Variants in PRDM16 observed in about 807,000 individuals in gnomAD.
PRDM16 encodes the protein PR/SET domain 16, also known as histone-lysine N-methyltransferase PRDM16.
Under a neutral mutation model 110.6 loss-of-function variants are expected in PRDM16, and 23 were observed. The observed-to-expected ratio is 0.21, with a 90% CI of 0.15 to 0.29. The LOEUF (loss-of-function observed/expected upper bound fraction) is 0.29. Among genes scored for constraint, PRDM16 ranks in the 10% least tolerant of loss-of-function variants. The probability of loss-of-function intolerance (pLI) is 1.00; values close to 1 mark genes in which losing one functional copy is unlikely to be tolerated. For synonymous variants in PRDM16, 799 were observed against 781.8 expected, an observed-to-expected ratio of 1.02 and a Z score of -0.37; for missense variants, 1,615 against 1,794.3, an observed-to-expected ratio of 0.90 and a Z score of 1.81.
At chr1:3,125,793 C>T (rs1156809849) in intron 1 of PRDM16, among the ~76,000 whole-genome samples, 1 of 152,186 alleles carries the variant, frequency 6.6e-6, no homozygotes, top group Non-Finnish European at 1.5e-5. Context: ...GAGCGGAGCG[C>T]GGCACAGGCG....
chr1:3,218,910 C>T (rs1639090618), intron 2 of PRDM16, among the ~76,000 whole-genome samples: 1 of 152,250 alleles, frequency 6.6e-6, no homozygotes, highest in Non-Finnish European at 1.5e-5. Context: ...AAAGAGCTTT[C>T]TCACAGCTCA....
chr1:3,298,188 C>A (rs575303083), intron 3 of PRDM16, among the ~76,000 whole-genome samples: 2 of 152,356 alleles, frequency 1.3e-5, no homozygotes, highest in African/African-American at 4.8e-5. Context: ...TCAGTAGATT[C>A]CCGTCAGGCA....
intron 1 of PRDM16, among the ~76,000 whole-genome samples, chr1:3,118,651 T>C (rs1336723601): frequency 6.6e-6 from 1 of 152,196 alleles, no homozygotes; most frequent in Non-Finnish European, 1.5e-5. Context: ...AGGTGCTCTG[T>C]GGCATATGAC....
At chr1:3,392,518 T>G (rs752304582) in intron 4 of PRDM16, among the ~76,000 whole-genome samples, 5 of 152,220 alleles carry the variant, frequency 3.3e-5, no homozygotes, top group African/African-American at 4.8e-5. Context: ...GCATGGAGTT[T>G]TTCGTCTATT....
At chr1:3,188,427 G>A (rs921434525) in intron 2 of PRDM16, among the ~76,000 whole-genome samples, 4 of 152,180 alleles carry the variant, frequency 2.6e-5, no homozygotes, top group Non-Finnish European at 4.4e-5. Flanking sequence ...CAGGCCCAGC[G>A]CAGACTGCGC....
chr1:3,400,111 T>C (rs10909939), intron 5 of PRDM16, among the ~76,000 whole-genome samples: 45,662 of 152,118 alleles, frequency 0.3, 7,334 homozygotes, highest in Non-Finnish European at 0.35. Context: ...CAGTGGGAAA[T>C]TGGGGCCCTG....
chr1:3,198,933 G>C (rs928905597), intron 2 of PRDM16, among the ~76,000 whole-genome samples: 1 of 152,144 alleles, frequency 6.6e-6, no homozygotes, highest in Non-Finnish European at 1.5e-5. Context: ...GTAATTTCAC[G>C]AGCAGAGCTA....
At chr1:3,298,022 C>T (rs992260815) in intron 3 of PRDM16, among the ~76,000 whole-genome samples, 7 of 141,336 alleles carry the variant, frequency 5.0e-5, no homozygotes, top group Admixed American at 2.0e-4. Flanking sequence ...GGGAACAGCA[C>T]GTCACCCAAG....
In PRDM16 at chr1:3,434,108, C is replaced by T; in HGVS notation, c.*297C>T. Reference sequence around the variant, plus strand: ...CTGCCTCGCAGAATCAGCCAGTGGGCAGGTGGACGCTCTGCTGAGACAGAA... The same window carrying T: ...CTGCCTCGCAGAATCAGCCAGTGGGTAGGTGGACGCTCTGCTGAGACAGAA... On this transcript the variant is annotated 3_prime_UTR_variant, in exon 17 of 17. Transcript: ENST00000270722. 1 of 379,382 alleles carries T rather than the reference C, an allele frequency of 2.6e-6. No homozygotes were observed. The highest frequency in any genetic ancestry group is 4.8e-6 in the Non-Finnish European group (1 of 209,274). The allele number at this position is 379,382 out of a possible 1,614,324, so 23.5% of individuals were successfully genotyped here.
intron 1 of PRDM16, among the ~76,000 whole-genome samples, chr1:3,116,573 C>T (rs149338468): frequency 1.8e-4 from 27 of 152,320 alleles, no homozygotes; most frequent in African/African-American, 5.8e-4. Flanking sequence ...GTCTGCTCAG[C>T]CCTTCCTCTC....
rs1638895478 is a variant in PRDM16 at position 3,435,894 on chromosome 1, A to G, written c.*2083A>G. ...CACGCCAGATCTGCACAACGAGGCA[A>G]GACAGGACCCACCTGTGCGTGCGCT... On this transcript the variant is annotated 3_prime_UTR_variant, in exon 17 of 17. Coordinates refer to ENST00000270722, the MANE Select transcript of PRDM16 (RefSeq NM_022114.4). The G allele has an allele frequency of 4.3e-6, 1 of 231,796 alleles. No homozygotes were observed. Among genetic ancestry groups the G allele is most frequent in the Admixed American group, 5.6e-5 (1 of 17,740 alleles). The allele number at this position is 231,796 out of a possible 1,614,324, so 14.4% of individuals were successfully genotyped here.
At position 3,081,641 on chromosome 1, in the gene PRDM16, A is replaced by G. The variant is rs983591891; in HGVS notation, c.37+12345A>G. Among the ~76,000 whole-genome samples the G allele has an allele frequency of 5.3e-5, 8 of 152,130 alleles. No homozygotes were observed. Among genetic ancestry groups the G allele is most frequent in the Non-Finnish European group, 1.0e-4 (7 of 68,004 alleles). The stretch of plus-strand genomic sequence containing the variant: ...GGGTGAGCAGTGGGCAGCTCCAGGA[A>G]GCCTTGCTGTGGACTGGGCAGGACA... On this transcript the variant is annotated intron_variant, in intron 1 of 16. Coordinates refer to ENST00000270722, the MANE Select transcript of PRDM16 (RefSeq NM_022114.4). The surrounding 1 kb of genome is among the most constrained non-coding windows in gnomAD (Gnocchi z 4.6).
At chr1:3,327,519 G>C (rs1456619075) in intron 3 of PRDM16, among the ~76,000 whole-genome samples, 1 of 152,240 alleles carries the variant, frequency 6.6e-6, no homozygotes, top group Non-Finnish European at 1.5e-5. Flanking sequence ...CAGGGATTCT[G>C]TTGCCCGGCA....
Position 3,437,276 on chromosome 1 carries a change from GC to G in PRDM16, c.*3468del, listed in dbSNP as rs1303339129. On this transcript the variant is annotated 3_prime_UTR_variant, in exon 17 of 17. Coordinates refer to ENST00000270722, the MANE Select transcript of PRDM16 (RefSeq NM_022114.4). Reference sequence around the variant, plus strand: ...AAGACCTCCACGTCCCCAGAGTCCAGCCCTGGAAATTCCAAGGGCCCTGGCG... The same window carrying G: ...AAGACCTCCACGTCCCCAGAGTCCAGCCTGGAAATTCCAAGGGCCCTGGCG... The G allele has an allele frequency of 4.3e-6, 1 of 232,790 alleles. No homozygotes were observed. Among genetic ancestry groups the G allele is most frequent in the Non-Finnish European group, 8.5e-6 (1 of 117,836 alleles). The allele number at this position is 232,790 out of a possible 1,614,324, so 14.4% of individuals were successfully genotyped here. A position where few individuals can be genotyped will look rare whatever the true frequency, so the allele number is the denominator to read the frequency against.
chr1:3,402,739 C>T, intron 5 of PRDM16, 52 bp from the exon 6 acceptor site: 1 of 1,537,892 alleles, frequency 6.5e-7, no homozygotes, highest in Non-Finnish European at 8.9e-7. Context: ...CCCTGATAGC[C>T]CTGGGCTGGG....
At chr1:3,279,687 G>A (rs1031490944) in intron 3 of PRDM16, among the ~76,000 whole-genome samples, 2 of 152,248 alleles carry the variant, frequency 1.3e-5, no homozygotes, top group African/African-American at 4.8e-5. Context: ...GAGGGCAGAG[G>A]GTCGGGGGAG....
At chr1:3,085,179 A>G (rs1425775961) in intron 1 of PRDM16, among the ~76,000 whole-genome samples, 1 of 152,172 alleles carries the variant, frequency 6.6e-6, no homozygotes, top group African/African-American at 2.4e-5. Context: ...GGACACCACC[A>G]TGTGCAGAGG....
Position 3,433,780 on chromosome 1 carries a change from C to G in PRDM16, c.3800C>G (p.Ser1267Cys), listed in dbSNP as rs1309992162. 1 of 1,613,786 alleles carries G rather than the reference C, an allele frequency of 6.2e-7. No individual in the cohort carries two copies. The highest frequency in any genetic ancestry group is 2.2e-5 in the East Asian group (1 of 44,882). ...AAGGTCACTGGAGCCACGTCGGAGTCTGGAGCATTTCACCCCATCAACCAC... is the reference window on the plus strand; with the variant it reads ...AAGGTCACTGGAGCCACGTCGGAGTGTGGAGCATTTCACCCCATCAACCAC... ...WLKVTGATSE[S>C]GAFHPINHL The change falls in exon 17 of 17, where the codon TCT becomes TGT. Residue 1267 changes from serine (S) to cysteine (C), a missense_variant. Coordinates refer to ENST00000270722, the MANE Select transcript of PRDM16 (RefSeq NM_022114.4).
chr1:3,075,947 G>A (rs1387131100), intron 1 of PRDM16, among the ~76,000 whole-genome samples: 1 of 152,210 alleles, frequency 6.6e-6, no homozygotes, highest in Non-Finnish European at 1.5e-5. Context: ...TCCTCCTGGG[G>A]GAGGAGGAGT....
Sources: allele counts gnomAD v4.1 joint callset (sites outside exome capture counted in the v4.1 genomes callset), GRCh38; gene constraint gnomAD v4.1.1; non-coding constraint Gnocchi (gnomAD v3.1); transcripts MANE v1.5; gene names NCBI Gene and HGNC (gene_info 2026-07-23, HGNC 2026-07-21).